Variants in ADAM19 observed in about 807,000 individuals in gnomAD.
ADAM19 encodes disintegrin and metalloproteinase domain-containing protein 19.
A neutral mutation model predicts 114.7 loss-of-function variants in ADAM19; 65 were observed. That is an observed-to-expected ratio of 0.57 (90% CI 0.46 to 0.70). ADAM19 has a LOEUF of 0.70. ADAM19 is among the 30% of genes least tolerant of loss of function. The pLI, the probability that ADAM19 is intolerant of heterozygous loss-of-function variation, is 0.00. For synonymous variants in ADAM19, 466 were observed against 460.5 expected (o/e 1.01, Z -0.15); for missense variants, 1,063 against 1,204.7 (o/e 0.88, Z 1.74).
At chr5:157,501,814 C>T (rs532525614) in intron 12 of ADAM19, among the ~76,000 whole-genome samples, 4 of 151,904 alleles carry the variant, frequency 2.6e-5, no homozygotes, top group South Asian at 2.1e-4. Flanking sequence ...TTTGGGAGGC[C>T]GAGGTGGGTG....
chr5:157,568,025 C>G (rs7735283), intron 2 of ADAM19: 53,411 of 151,206 alleles, frequency 0.35, 11,372 homozygotes, highest in African/African-American at 0.59. Context: ...ACCCAGGCTG[C>G]AGTGCAGTGA....
chr5:157,486,734 C>T (rs541359106), intron 21 of ADAM19, among the ~76,000 whole-genome samples: 36 of 152,160 alleles, frequency 2.4e-4, no homozygotes, highest in African/African-American at 8.2e-4. Context: ...AGTCTCTACA[C>T]GCCTGCTTTC....
chr5:157,572,437 T>C (rs892731837), intron 1 of ADAM19, among the ~76,000 whole-genome samples: 1 of 152,184 alleles, frequency 6.6e-6, no homozygotes, highest in Admixed American at 6.5e-5. Flanking sequence ...GGAATGGGGC[T>C]GAGGACTCCA....
In ADAM19 at chr5:157,539,490, G is replaced by A. The variant is rs75204772; in HGVS notation, c.252-1499C>T. ...ACTTCCAGCTCTAAGTTCTGGGATC[G>A]CTCAGATTTCCCTCCATCCCCAGTG... is the stretch of plus-strand genomic sequence containing the variant. On this transcript the variant is annotated intron_variant, in intron 3 of 22. Transcript: ENST00000257527. 7.5e-3 allele frequency among the ~76,000 whole-genome samples: 1,143 copies of A among 152,238 alleles called. 9 individuals are homozygous for A. The highest frequency in any genetic ancestry group is 0.022 in the African/African-American group (898 of 41,528).
chr5:157,486,497 T>C (rs2113688851), intron 21 of ADAM19, among the ~76,000 whole-genome samples: 1 of 152,184 alleles, frequency 6.6e-6, no homozygotes, highest in Admixed American at 6.5e-5. Flanking sequence ...GGGGTGCAGG[T>C]GCAGGGTATG....
At chr5:157,492,837 C>T (rs1021336485) in intron 16 of ADAM19, 136 bp downstream of exon 16, 11 of 860,578 alleles carry the variant, frequency 1.3e-5, no homozygotes, top group South Asian at 6.3e-5. Flanking sequence ...TCACTATACA[C>T]GCTTCATGAA....
At position 157,507,147 on chromosome 5, in the gene ADAM19, G is replaced by T. The variant is rs11466769; in HGVS notation, c.906-7C>A. On this transcript the variant is annotated splice_region_variant and splice_polypyrimidine_tract_variant and intron_variant, in intron 9 of 22. Coordinates refer to ENST00000257527, the MANE Select transcript of ADAM19 (RefSeq NM_033274.5). Reference sequence around the variant, plus strand: ...GCCGTGGAAGGACATGCCCCTGCAGGAGGCAAGGAGAGACGGTGACCGGGG... The same window carrying T: ...GCCGTGGAAGGACATGCCCCTGCAGTAGGCAAGGAGAGACGGTGACCGGGG... 2.1e-3 allele frequency: 3,409 copies of T among 1,613,616 alleles called. 71 individuals carry two copies. In the African/African-American group the frequency reaches 0.04, roughly 19 times the overall value.
At position 157,514,150 on chromosome 5, in the gene ADAM19, G is replaced by A. The variant is rs572134006; in HGVS notation, c.667-645C>T. Among the ~76,000 whole-genome samples the A allele has an allele frequency of 5.7e-4, 87 of 152,226 alleles. 5 individuals carry two copies. In the South Asian group the frequency reaches 0.017, roughly 30 times the overall value. On this transcript the variant is annotated intron_variant, in intron 7 of 22. Coordinates refer to ENST00000257527, the MANE Select transcript of ADAM19 (RefSeq NM_033274.5). ...GGTTGAGAAAACCTGCCGGGAAAACGTGCACAGAAATAACCACAGTGGGAG... is the reference window on the plus strand; with the variant it reads ...GGTTGAGAAAACCTGCCGGGAAAACATGCACAGAAATAACCACAGTGGGAG...
chr5:157,505,454 G>C (rs189482258), intron 11 of ADAM19, among the ~76,000 whole-genome samples: 3 of 152,150 alleles, frequency 2.0e-5, no homozygotes, highest in Non-Finnish European at 2.9e-5. Context: ...TAAATCTAGG[G>C]TTACACCAGC....
intron 3 of ADAM19, among the ~76,000 whole-genome samples, chr5:157,554,502 A>G (rs1757310873): frequency 1.3e-5 from 2 of 152,258 alleles, no homozygotes; most frequent in Admixed American, 6.5e-5. Flanking sequence ...AAAGAGGTAC[A>G]GTTTGGCCCA....
intron 6 of ADAM19, 75 bp downstream of exon 6, chr5:157,519,764 A>G: frequency 7.3e-7 from 1 of 1,378,264 alleles, no homozygotes; most frequent in Non-Finnish European, 9.9e-7. Flanking sequence ...ATACTCCTGG[A>G]TTCAAAGTAA....
chr5:157,487,337 C>A (rs1465312853), intron 21 of ADAM19, among the ~76,000 whole-genome samples: 3 of 152,162 alleles, frequency 2.0e-5, no homozygotes, highest in Non-Finnish European at 4.4e-5. Flanking sequence ...GAATGGATGC[C>A]CTCAGCCTTC....
At chr5:157,539,777 T>C (rs1024418831) in intron 3 of ADAM19, among the ~76,000 whole-genome samples, 2 of 152,084 alleles carry the variant, frequency 1.3e-5, no homozygotes, top group African/African-American at 4.8e-5. Flanking sequence ...GAGTCACCCA[T>C]TTGCCTGAGG....
intron 3 of ADAM19, among the ~76,000 whole-genome samples, chr5:157,557,852 C>G (rs543434467): frequency 6.6e-6 from 1 of 152,286 alleles, no homozygotes; most frequent in Admixed American, 6.5e-5. Context: ...CTCCTAATAC[C>G]ATCACCTTGG....
At chr5:157,481,737 C>A in intron 22 of ADAM19, 54 bp downstream of exon 22, 1 of 1,552,488 alleles carries the variant, frequency 6.4e-7, no homozygotes, top group Non-Finnish European at 8.7e-7. Flanking sequence ...TACACCTGCC[C>A]CCCTGGAGCC....
chr5:157,549,851 G>A (rs1289226746), intron 3 of ADAM19, among the ~76,000 whole-genome samples: 2 of 152,102 alleles, frequency 1.3e-5, no homozygotes, highest in African/African-American at 4.8e-5. Context: ...GAGCTTAAAA[G>A]GCAGATCTAT....
chr5:157,507,071 A>G lies in ADAM19; in HGVS notation c.975T>C (p.Ser325=). The change falls in exon 10 of 23, where the codon TCT becomes TCC. Residue 325 remains serine, a synonymous_variant. Transcript: ENST00000257527. ...PLMAMCSVYQ[S]GGVNMDHSEN... ...TGAGACTCACCATGTTGACTCCTCC[A>G]GACTGGTACACAGAGCACATGGCCA... The G allele has an allele frequency of 6.2e-7, 1 of 1,614,154 alleles. No homozygotes were observed.
intron 4 of ADAM19, among the ~76,000 whole-genome samples, chr5:157,535,091 T>C (rs906063007): frequency 6.6e-6 from 1 of 152,232 alleles, no homozygotes; most frequent in East Asian, 1.9e-4. Context: ...AAATTAGTGA[T>C]TCATCTTACC....
Position 157,496,919 on chromosome 5 carries a change from C to T in ADAM19, c.1569G>A (p.Glu523=), listed in dbSNP as rs1242473124. 6.3e-7 allele frequency: 1 copy of T among 1,592,768 alleles called. No individual in the cohort carries two copies. Among genetic ancestry groups the T allele is most frequent in the Non-Finnish European group, 8.5e-7 (1 of 1,170,924 alleles). ...CGGGTCCCCACAGCTGCTGGCACTG[C>T]TCCTGGTAGGTGAGGCACATGCCGT... ...CYNGMCLTYQ[E]QCQQLWGPGA... is the part of the protein sequence containing the mutation. Residue 523 remains glutamate (E), a synonymous_variant, in exon 14 of 23, where the codon GAG becomes GAA. Transcript: ENST00000257527.
Sources: gnomAD v4.1 joint callset for allele counts (sites outside exome capture counted in the v4.1 genomes callset) on GRCh38, gnomAD v4.1.1 for gene constraint, MANE v1.5 for transcripts, NCBI Gene and HGNC (gene_info 2026-07-23, HGNC 2026-07-21) for gene names.